Variants in PIK3C2G observed in about 807,000 individuals in gnomAD.
PIK3C2G encodes the protein phosphatidylinositol 3-kinase C2 domain-containing subunit gamma.
Under a neutral mutation model 181.1 loss-of-function variants are expected in PIK3C2G, and 168 were observed. The ratio of observed to expected loss-of-function variants is 0.93; its 90% CI spans 0.82 to 1.05. PIK3C2G has a LOEUF of 1.05. Among genes scored for constraint, PIK3C2G ranks in the 50% least tolerant of loss-of-function variants. PIK3C2G has a pLI of 0.00. For missense variants in PIK3C2G, 1,869 were observed against 1,732.8 expected (o/e 1.08, Z -1.40); for synonymous variants, 573 against 592.2 (o/e 0.97, Z 0.47).
At chr12:18,265,824 G>A (rs1454882432) in intron 1 of PIK3C2G, among the ~76,000 whole-genome samples, 3 of 151,696 alleles carry the variant, frequency 2.0e-5, no homozygotes, top group Non-Finnish European at 2.9e-5. Flanking sequence ...GACCAGCCTG[G>A]CCAACATGAT....
At chr12:18,479,746 G>A (rs987932901) in intron 18 of PIK3C2G, among the ~76,000 whole-genome samples, 5 of 152,086 alleles carry the variant, frequency 3.3e-5, no homozygotes, top group Admixed American at 2.6e-4. Context: ...TTCAAATCAC[G>A]TTTCAGTGGA....
chr12:18,623,381 G>A (rs1247034087), intron 31 of PIK3C2G, among the ~76,000 whole-genome samples: 1 of 151,756 alleles, frequency 6.6e-6, no homozygotes, highest in East Asian at 1.9e-4. Flanking sequence ...TCTCTAATCT[G>A]TTCCATTGGG....
Position 18,381,820 on chromosome 12 carries a change from C to A in PIK3C2G, c.1935C>A (p.Pro645=). 1.2e-6 allele frequency: 2 copies of A among 1,613,748 alleles called. No individual in the cohort carries two copies. The highest frequency in any genetic ancestry group is 1.7e-6 in the Non-Finnish European group (2 of 1,179,710). ...LFSMTLQSEP[P]VEMITPGVWD... ...GCATGACATTACAGAGTGAGCCTCC[C>A]GTAGAAATGATAACTCCAGGAGTGT... Residue 645 remains proline (P), a synonymous_variant, in exon 14 of 33, where the codon CCC becomes CCA. Transcript: ENST00000538779.
intron 31 of PIK3C2G, among the ~76,000 whole-genome samples, chr12:18,636,219 T>C (rs761257768): frequency 1.3e-5 from 2 of 152,026 alleles, no homozygotes; most frequent in Non-Finnish European, 2.9e-5. Flanking sequence ...CTTCTGGTGG[T>C]CTTTGTTTTT....
In PIK3C2G at chr12:18,345,406, T is replaced by C. The variant is rs564034493; in HGVS notation, c.1430-1235T>C. ...GGCACAATTTAAGAAATATAACAAA[T>C]AAGGAAAATTAATCTACCTTATATA... is the stretch of plus-strand genomic sequence containing the variant. On this transcript the variant is annotated intron_variant, in intron 10 of 32. Transcript: ENST00000538779. Among the ~76,000 whole-genome samples the C allele has an allele frequency of 1.3e-4, 20 of 152,280 alleles. 1 individual carries two copies. The highest frequency in any genetic ancestry group is 4.8e-4 in the African/African-American group (20 of 41,562).
chr12:18,559,674 T>A (rs533906187), intron 26 of PIK3C2G, among the ~76,000 whole-genome samples: 1 of 149,934 alleles, frequency 6.7e-6, no homozygotes, highest in South Asian at 2.1e-4. Context: ...TAATCCAAAT[T>A]GCATGGACAA....
At chr12:18,683,573 A>C in the PIK3C2G span, 2 of 1,470,024 alleles carry the variant, frequency 1.4e-6, no homozygotes, top group Non-Finnish European at 1.8e-6. Context: ...TGCATGATCC[A>C]AAATTAGCCA....
At chr12:18,460,835 G>T (rs1947883532) in intron 18 of PIK3C2G, among the ~76,000 whole-genome samples, 1 of 151,886 alleles carries the variant, frequency 6.6e-6, no homozygotes. Flanking sequence ...CACCGTATTA[G>T]GGTAAAATCC....
intron 11 of PIK3C2G, among the ~76,000 whole-genome samples, chr12:18,347,827 G>GA (rs78688889): frequency 9.3e-4 from 133 of 143,092 alleles, no homozygotes; most frequent in Non-Finnish European, 1.5e-3. Context: ...CAAAAAAAAA[G>GA]AAAAAAAAAA....
At chr12:18,409,800 G>A (rs569406211) in intron 16 of PIK3C2G, among the ~76,000 whole-genome samples, 2 of 152,156 alleles carry the variant, frequency 1.3e-5, no homozygotes, top group East Asian at 3.9e-4. Flanking sequence ...AAAGAAAAGG[G>A]GTTTGTCTCA....
chr12:18,423,452 T>C (rs964266215), intron 17 of PIK3C2G, among the ~76,000 whole-genome samples: 3 of 152,040 alleles, frequency 2.0e-5, no homozygotes, highest in Non-Finnish European at 2.9e-5. Context: ...ACAGTGGAGA[T>C]GAAAGAAAGG....
chr12:18,501,229 A>C (rs573861328), intron 22 of PIK3C2G, among the ~76,000 whole-genome samples: 2 of 152,350 alleles, frequency 1.3e-5, no homozygotes, highest in East Asian at 3.9e-4. Flanking sequence ...TCACAGTTCC[A>C]CATGGCTGGG....
At chr12:18,469,945 G>C (rs1196850331) in intron 18 of PIK3C2G, among the ~76,000 whole-genome samples, 1 of 149,640 alleles carries the variant, frequency 6.7e-6, no homozygotes, top group East Asian at 2.0e-4. Flanking sequence ...GGGTTTTATG[G>C]CTTTCTGAGA....
At position 18,541,239 on chromosome 12, in the gene PIK3C2G, A is replaced by G. The variant is rs564111516; in HGVS notation, c.3480+2927A>G. 5.3e-5 allele frequency among the ~76,000 whole-genome samples: 8 copies of G among 152,064 alleles called. No individual in the cohort carries two copies. In the South Asian group the frequency reaches 1.7e-3, roughly 31 times the overall value. On this transcript the variant is annotated intron_variant, in intron 25 of 32. Coordinates refer to ENST00000538779, the MANE Select transcript of PIK3C2G (RefSeq NM_001288772.2). The stretch of plus-strand genomic sequence containing the variant: ...CATTTGGTGGGTCCACTACAGAGTT[A>G]ATGGCTCATCCTTAGTAAAGAGCAG...
chr12:18,565,441 G>T (rs1945580195), intron 28 of PIK3C2G, among the ~76,000 whole-genome samples: 1 of 152,046 alleles, frequency 6.6e-6, no homozygotes, highest in South Asian at 2.1e-4. Flanking sequence ...ATTTTATTTT[G>T]GTACACTGAT....
chr12:18,620,348 AGT>A, intron 31 of PIK3C2G, among the ~76,000 whole-genome samples: 1 of 152,156 alleles, frequency 6.6e-6, no homozygotes, highest in South Asian at 2.1e-4. Flanking sequence ...CTTTATTTCT[AGT>A]AGTATTTTTT....
At chr12:18,470,290 G>A (rs994157438) in intron 18 of PIK3C2G, among the ~76,000 whole-genome samples, 3 of 152,040 alleles carry the variant, frequency 2.0e-5, no homozygotes, top group Admixed American at 1.3e-4. Flanking sequence ...AAGGCTGCCC[G>A]TTAGCAGAAA....
chr12:18,521,885 T>G (rs1320734749), intron 24 of PIK3C2G, among the ~76,000 whole-genome samples: 1 of 152,206 alleles, frequency 6.6e-6, no homozygotes, highest in Non-Finnish European at 1.5e-5. Flanking sequence ...TAGGCCCCAG[T>G]GGTGTGGGAT....
chr12:18,439,461 T>C (rs944463794), intron 18 of PIK3C2G, among the ~76,000 whole-genome samples: 3 of 152,060 alleles, frequency 2.0e-5, no homozygotes, highest in African/African-American at 7.2e-5. Context: ...CCTTATTACA[T>C]TGACGTTACT....
Sources: gnomAD v4.1 joint callset for allele counts (sites outside exome capture counted in the v4.1 genomes callset) on GRCh38, gnomAD v4.1.1 for gene constraint, MANE v1.5 for transcripts, NCBI Gene and HGNC (gene_info 2026-07-23, HGNC 2026-07-21) for gene names.